Variants in XK observed in about 807,000 individuals in gnomAD.
The protein encoded by XK is endoplasmic reticulum membrane adapter protein XK.
Under a neutral mutation model 14.0 loss-of-function variants are expected in XK, and 2 were observed. The ratio of observed to expected loss-of-function variants is 0.14; its 90% confidence interval spans 0.06 to 0.45. XK has a LOEUF of 0.45. Among genes scored for constraint, XK ranks in the 20% least tolerant of loss-of-function variants. The pLI is 0.98. For missense variants in XK, 235 were observed against 341.5 expected (o/e 0.69, Z 2.46); for synonymous variants, 149 against 147.5 (o/e 1.01, Z -0.08).
At position 37,686,039 on chromosome X, in the gene XK, C is replaced by T; in HGVS notation, c.78C>T (p.Ser26=). 8.3e-7 allele frequency: 1 copy of T among 1,210,497 alleles called. No homozygotes were observed. The highest frequency in any genetic ancestry group is 1.8e-5 in the South Asian group (1 of 56,719). The change falls in exon 1 of 3, where the codon AGC becomes AGT. Residue 26 remains serine, a synonymous_variant. Transcript: ENST00000378616. ...AETTAALSLS[S]TYRSGGDRMW... ...CAACGGCGGCGCTCAGCCTGAGCAG[C>T]ACCTACCGCTCGGGCGGGGACCGCA...
At chrX:37,690,426 C>T (rs1056094186) in intron 1 of XK, among the ~76,000 whole-genome samples, 1 of 112,325 alleles carries the variant, frequency 8.9e-6, no homozygotes, top group Non-Finnish European at 1.9e-5. Flanking sequence ...ATTAGGGTCT[C>T]TGGTACCACA....
intron 2 of XK, among the ~76,000 whole-genome samples, chrX:37,715,805 A>AAGCATTAT (rs1927755408): frequency 1.8e-5 from 2 of 111,733 alleles, no homozygotes; most frequent in African/African-American, 6.5e-5. Context: ...TATGCTTATT[A>AAGCATTAT]TAAGATTATA....
intron 2 of XK, 67 bp from the exon 3 acceptor site, chrX:37,727,567 CAG>C (rs1372856709): frequency 6.3e-5 from 61 of 967,183 alleles, no homozygotes; most frequent in Admixed American, 1.8e-4. Context: ...GGGGTGCTGA[CAG>C]AGTGTCTGCT....
rs182654623 is a variant in XK at position 37,713,118 on chromosome X, T to C, written c.509-14518T>C. Among the ~76,000 whole-genome samples, 308 of 111,888 alleles carry C rather than the reference T, an allele frequency of 2.8e-3. 1 individual carries two copies. Among genetic ancestry groups the C allele is most frequent in the African/African-American group, 9.7e-3 (300 of 30,841 alleles). ...CTTAAAGTAATAGCAGTCGTTTCTC[T>C]TCCTTATGATTTTGTAATTTGTGTA... On this transcript the variant is annotated intron_variant, in intron 2 of 2. Coordinates refer to ENST00000378616, the MANE Select transcript of XK (RefSeq NM_021083.4).
At chrX:37,697,490 G>A (rs1927325119) in intron 2 of XK, among the ~76,000 whole-genome samples, 1 of 111,706 alleles carries the variant, frequency 9.0e-6, no homozygotes, top group South Asian at 3.8e-4. Flanking sequence ...AGGACATAGA[G>A]TCCATCACAA....
At chrX:37,712,009 G>A (rs1428845959) in intron 2 of XK, among the ~76,000 whole-genome samples, 1 of 111,536 alleles carries the variant, frequency 9.0e-6, no homozygotes, top group Non-Finnish European at 1.9e-5. Context: ...CAAGTCAGAT[G>A]GATAGAAGGT....
In XK at chrX:37,686,169, C is replaced by T. The variant is rs782429208; in HGVS notation, c.208C>T (p.Leu70=). The change falls in exon 1 of 3, where the codon CTG becomes TTG. Residue 70 remains leucine (L), a synonymous_variant. Coordinates refer to ENST00000378616, the MANE Select transcript of XK (RefSeq NM_021083.4). ...CCTCAGCCGCGACCGCCCGCTCGTACTGCTGCTGCACCTGCTGCAACTTGG... is the reference window on the plus strand; with the variant it reads ...CCTCAGCCGCGACCGCCCGCTCGTATTGCTGCTGCACCTGCTGCAACTTGG... The part of the protein sequence containing the change: ...RDLSRDRPLV[L]LLHLLQLGPL... The T allele has an allele frequency of 8.3e-7, 1 of 1,209,381 alleles. No individual in the cohort carries two copies. Among genetic ancestry groups the T allele is most frequent in the Non-Finnish European group, 1.1e-6 (1 of 894,685 alleles).
chrX:37,728,429 G>A lies in XK; in HGVS notation c.1302G>A (p.Gln434=). ...SSSKTSPEPG[Q]FLNAEDLCSA is the part of the protein sequence containing the mutation. ...GTAAAACAAGTCCTGAGCCTGGTCA[G>A]TTCTTGAATGCTGAAGATCTCTGCT... Residue 434 remains glutamine, a synonymous_variant, in exon 3 of 3, where the codon CAG becomes CAA. Transcript: ENST00000378616. 1 of 1,209,874 alleles carries A rather than the reference G, an allele frequency of 8.3e-7. No homozygotes were observed. Among genetic ancestry groups the A allele is most frequent in the South Asian group, 1.8e-5 (1 of 56,981 alleles).
chrX:37,725,466 G>T (rs1357286009), intron 2 of XK, among the ~76,000 whole-genome samples: 1 of 111,447 alleles, frequency 9.0e-6, no homozygotes, highest in Non-Finnish European at 1.9e-5. Flanking sequence ...GATGTGGAGC[G>T]ATAGGAACTC....
chrX:37,721,086 C>T (rs1442044417), intron 2 of XK, among the ~76,000 whole-genome samples: 2 of 111,103 alleles, frequency 1.8e-5, no homozygotes, highest in African/African-American at 6.5e-5. Context: ...GAAATCTTCA[C>T]ACTGTTTTAC....
At chrX:37,693,131 T>A (rs1556441762) in intron 1 of XK, among the ~76,000 whole-genome samples, 1 of 112,030 alleles carries the variant, frequency 8.9e-6, no homozygotes, top group African/African-American at 3.2e-5. Flanking sequence ...ATAAATACAT[T>A]CCAGTTGCCG....
rs782348948 is a variant in XK, at chrX:37,729,700, A to C, written c.*1238A>C. On this transcript the variant is annotated 3_prime_UTR_variant, in exon 3 of 3. Coordinates refer to ENST00000378616, the MANE Select transcript of XK (RefSeq NM_021083.4). ...ATTATTTCTACCATTAAAATCTTGA[A>C]AGCGAAATACTTGAAAAGAGGTGAC... 1 of 111,481 alleles carries C rather than the reference A, an allele frequency of 9.0e-6. No homozygotes were observed. Among genetic ancestry groups the C allele is most frequent in the East Asian group, 2.8e-4 (1 of 3,573 alleles). 9.2% of individuals were successfully genotyped at this position (111,481 alleles called of 1,213,427 possible). A position where few individuals can be genotyped will look rare whatever the true frequency, so the allele number is the denominator to read the frequency against.
intron 2 of XK, among the ~76,000 whole-genome samples, chrX:37,708,394 A>G (rs935060359): frequency 1.8e-5 from 2 of 111,879 alleles, no homozygotes; most frequent in Non-Finnish European, 3.8e-5. Flanking sequence ...GGAAAAGGCA[A>G]GAAAATGGAT....
intron 2 of XK, among the ~76,000 whole-genome samples, chrX:37,700,300 C>T (rs1927387295): frequency 9.0e-6 from 1 of 111,429 alleles, no homozygotes; most frequent in East Asian, 2.8e-4. Flanking sequence ...TGCCCCAGCC[C>T]GAGAAGGAGG....
At chrX:37,727,402 T>C (rs782149625) in intron 2 of XK, among the ~76,000 whole-genome samples, 31 of 111,309 alleles carry the variant, frequency 2.8e-4, no homozygotes, top group African/African-American at 1.0e-3. Context: ...GAGGGCGCTC[T>C]CGGGAGTATT....
intron 2 of XK, among the ~76,000 whole-genome samples, chrX:37,715,100 G>A (rs184386673): frequency 1.2e-4 from 13 of 109,811 alleles, no homozygotes; most frequent in Non-Finnish European, 2.5e-4. Context: ...ATACGTGTGT[G>A]TGTGTATATA....
intron 2 of XK, among the ~76,000 whole-genome samples, chrX:37,716,579 C>T (rs782312945): frequency 9.0e-6 from 1 of 111,621 alleles, no homozygotes; most frequent in South Asian, 3.7e-4. Flanking sequence ...TTACAAGGTT[C>T]ACTGTACATG....
chrX:37,711,640 C>G (rs1218213263), intron 2 of XK, among the ~76,000 whole-genome samples: 2 of 112,107 alleles, frequency 1.8e-5, no homozygotes, highest in African/African-American at 6.5e-5. Flanking sequence ...TCTCCCACTT[C>G]CCACCCAACT....
At chrX:37,686,412 G>T (rs782100357) in intron 1 of XK, among the ~76,000 whole-genome samples, 1 of 112,422 alleles carries the variant, frequency 8.9e-6, no homozygotes, top group South Asian at 3.7e-4. Context: ...GGGGCACACT[G>T]AATTCCTGTT....
Sources: allele counts gnomAD v4.1 joint callset (sites outside exome capture counted in the v4.1 genomes callset), GRCh38; gene constraint gnomAD v4.1.1; transcripts MANE v1.5; gene names NCBI Gene and HGNC (gene_info 2026-07-23, HGNC 2026-07-21).